The following TRIM28 variants were observed in gnomAD, a reference collection of about 807,000 sequenced individuals.
TRIM28 encodes the protein tripartite motif containing 28.
TRIM28 carries 8 observed loss-of-function variants against 87.4 expected under a neutral mutation model. That is an observed-to-expected ratio of 0.09 (90% CI 0.05 to 0.17). The LOEUF (loss-of-function observed/expected upper bound fraction) is 0.17. Ranked by LOEUF, TRIM28 falls within the 10% of genes least tolerant of loss-of-function variation. The probability of loss-of-function intolerance (pLI) is 1.00; values close to 1 mark genes in which losing one functional copy is unlikely to be tolerated. For synonymous variants in TRIM28, 601 were observed against 454.3 expected, an observed-to-expected ratio of 1.32 and a Z score of -4.11; for missense variants, 968 against 1,131.8, an observed-to-expected ratio of 0.86 and a Z score of 2.08.
At position 58,544,719 on chromosome 19, in the gene TRIM28, G is replaced by T. The variant is rs1198099127; in HGVS notation, c.-39G>T. The T allele has an allele frequency of 3.1e-6, 3 of 954,158 alleles. No homozygotes were observed. The highest frequency in any genetic ancestry group is 3.8e-6 in the Non-Finnish European group (3 of 793,490). The allele number at this position is 954,158 out of a possible 1,614,324, so 59.1% of individuals were successfully genotyped here. A position where few individuals can be genotyped will look rare whatever the true frequency, so the allele number is the denominator to read the frequency against. Reference sequence around the variant, plus strand: ...TCTGCGCCTGCGCGGCGGGCCCCGCGCCCCTCCTCCCCCCCTGGGCGCCCC... The same window carrying T: ...TCTGCGCCTGCGCGGCGGGCCCCGCTCCCCTCCTCCCCCCCTGGGCGCCCC... On this transcript the variant is annotated 5_prime_UTR_variant, in exon 1 of 17. Coordinates refer to ENST00000253024, the MANE Select transcript of TRIM28 (RefSeq NM_005762.3).
At chr19:58,547,330 G>A in intron 3 of TRIM28, 46 bp from the exon 4 acceptor site, 1 of 1,599,866 alleles carries the variant, frequency 6.3e-7, no homozygotes, top group South Asian at 1.1e-5. Context: ...TCCTGAGTTG[G>A]GGGTGGTGAA....
In TRIM28 at chr19:58,550,488, A is replaced by G; in HGVS notation, c.2443A>G (p.Met815Val). ...TGCTGTGCTGGTGGAGCCCCCGCCG[A>G]TGAGCCTGCCTGGTGCTGGCCTGAG... The part of the protein sequence containing the change: ...FSAVLVEPPP[M>V]SLPGAGLSSQ... Residue 815 changes from methionine (M) to valine (V), a missense_variant, in exon 17 of 17, where the codon ATG becomes GTG. Coordinates refer to ENST00000253024, the MANE Select transcript of TRIM28 (RefSeq NM_005762.3). The G allele has an allele frequency of 6.2e-7, 1 of 1,613,026 alleles. No individual in the cohort carries two copies. Among genetic ancestry groups the G allele is most frequent in the African/African-American group, 1.3e-5 (1 of 74,978 alleles).
At position 58,547,284 on chromosome 19, in the gene TRIM28, G is replaced by C; in HGVS notation, c.587-92G>C. 2.6e-6 allele frequency: 4 copies of C among 1,529,406 alleles called. No individual in the cohort carries two copies. The East Asian group carries it at 7.0e-5, about 27-fold the overall frequency. 94.7% of individuals were successfully genotyped at this position (1,529,406 alleles called of 1,614,324 possible). A position where few individuals can be genotyped will look rare whatever the true frequency, so the allele number is the denominator to read the frequency against. On this transcript the variant is annotated intron_variant, in intron 3 of 16. Transcript: ENST00000253024. ...TCCCAATAAATGGCCCAGTGTCACA[G>C]AACAGGCCGGAAATGAGGCCCCAAC...
At chr19:58,545,336 TGGTC>T in intron 1 of TRIM28, 85 bp from the exon 2 acceptor site, 1 of 1,111,044 alleles carries the variant, frequency 9.0e-7, no homozygotes, top group Non-Finnish European at 1.3e-6. Flanking sequence ...TGCGGGATAA[TGGTC>T]GGGGGCCCAC....
rs1177628234 is a variant in TRIM28, at chr19:58,544,918, G to A, written c.161G>A (p.Gly54Asp). The A allele has an allele frequency of 2.1e-6, 3 of 1,405,192 alleles. No homozygotes were observed. Among genetic ancestry groups the A allele is most frequent in the African/African-American group, 3.0e-5 (2 of 65,710 alleles). The allele number at this position is 1,405,192 out of a possible 1,614,324, so 87.0% of individuals were successfully genotyped here. Reference protein sequence around the residue: ...ASAAASSPAGGGAEALELLEH... With the variant: ...ASAAASSPAGDGAEALELLEH... ...GCCGCGGCGTCGTCGCCCGCGGGGG[G>A]CGGCGCCGAGGCGCTGGAGCTGCTG... Residue 54 changes from glycine to aspartate, a missense_variant, in exon 1 of 17, where the codon GGC becomes GAC. By Grantham distance (94) the Gly-to-Asp change is moderately conservative. Around this residue, in one of 11 missense-constraint regions of TRIM28, gnomAD observed 208 missense variants for 170.9 expected, o/e 1.22. Transcript: ENST00000253024.
In TRIM28 at chr19:58,545,465, A is replaced by G; in HGVS notation, c.381A>G (p.Lys127=). 1 of 1,612,788 alleles carries G rather than the reference A, an allele frequency of 6.2e-7. No homozygotes were observed. Among genetic ancestry groups the G allele is most frequent in the Non-Finnish European group, 8.5e-7 (1 of 1,179,788 alleles). The change falls in exon 2 of 17, where the codon AAA becomes AAG. Residue 127 remains lysine (K), a synonymous_variant. Coordinates refer to ENST00000253024, the MANE Select transcript of TRIM28 (RefSeq NM_005762.3). The part of the protein sequence containing the change: ...CPVCKQQCFS[K]DIVENYFMRD... ...TGTGCAAGCAACAGTGCTTCTCCAA[A>G]GACATCGTGGAGAATTATTTCATGC...
At chr19:58,547,940 C>T (rs771685104) in intron 6 of TRIM28, 34 bp downstream of exon 6, 2 of 1,613,456 alleles carry the variant, frequency 1.2e-6, no homozygotes, top group South Asian at 1.1e-5. Context: ...GGTCCCTGAG[C>T]CCCCTCTGCT....
Position 58,550,620 on chromosome 19 carries a change from C to A in TRIM28, c.*67C>A. ...TGTCCTGTCACCCCATCCCCACTCC[C>A]CTGGTGGCCTGACTCCCACTCCCTG... On this transcript the variant is annotated 3_prime_UTR_variant, in exon 17 of 17. Transcript: ENST00000253024. 1 of 1,500,368 alleles carries A rather than the reference C, an allele frequency of 6.7e-7. No homozygotes were observed. The highest frequency in any genetic ancestry group is 9.0e-7 in the Non-Finnish European group (1 of 1,115,094). The allele number at this position is 1,500,368 out of a possible 1,614,324, so 92.9% of individuals were successfully genotyped here.
chr19:58,548,675 G>A, intron 9 of TRIM28, 65 bp from the exon 10 acceptor site: 1 of 1,606,226 alleles, frequency 6.2e-7, no homozygotes, highest in Non-Finnish European at 8.5e-7. Context: ...AGGGGGGGTG[G>A]GCAGGGAATG....
At position 58,547,834 on chromosome 19, in the gene TRIM28, T is replaced by C; in HGVS notation, c.882T>C (p.Asp294=). 1 of 1,614,142 alleles carries C rather than the reference T, an allele frequency of 6.2e-7. No individual in the cohort carries two copies. The highest frequency in any genetic ancestry group is 8.5e-7 in the Non-Finnish European group (1 of 1,180,026). ...ACGTACAGAAGCGTGTGCAAGTGGA[T>C]GTCAAGATGGCCATCCTGCAGATCA... ...VSDVQKRVQV[D]VKMAILQIMK... Residue 294 remains aspartate (D), a synonymous_variant, in exon 6 of 17, where the codon GAT becomes GAC. Transcript: ENST00000253024.
chr19:58,549,764 T>C lies in TRIM28; in HGVS notation c.2010T>C (p.His670=). ...PGEEWSCSLC[H]VLPDLKEEDG... The stretch of plus-strand genomic sequence containing the variant: ...AGGAGTGGAGCTGCTCACTCTGCCA[T>C]GTGCTCCCTGACCTGAAGGAGGAGG... The change falls in exon 14 of 17, where the codon CAT becomes CAC. Residue 670 remains histidine (H), a synonymous_variant. Coordinates refer to ENST00000253024, the MANE Select transcript of TRIM28 (RefSeq NM_005762.3). This position sits in a 1 kb window ranked among gnomAD's most constrained non-coding sequence, Gnocchi z 4.4. 6.2e-7 allele frequency: 1 copy of C among 1,611,520 alleles called. No individual in the cohort carries two copies. Among genetic ancestry groups the C allele is most frequent in the Non-Finnish European group, 8.5e-7 (1 of 1,178,120 alleles).
chr19:58,550,239 C>T lies in TRIM28; in HGVS notation c.2286C>T (p.Ala762=). Residue 762 remains alanine, a synonymous_variant, in exon 16 of 17, where the codon GCC becomes GCT. Coordinates refer to ENST00000253024, the MANE Select transcript of TRIM28 (RefSeq NM_005762.3). ...SPPYSSPQEF[A]QDVGRMFKQF... ...CCTACAGCTCCCCACAGGAGTTTGC[C>T]CAGGATGTGGGCCGCATGTTCAAGC... 6.2e-6 allele frequency: 10 copies of T among 1,614,092 alleles called. No individual in the cohort carries two copies. The highest frequency in any genetic ancestry group is 8.5e-6 in the Non-Finnish European group (10 of 1,180,022).
At position 58,544,786 on chromosome 19, in the gene TRIM28, C is replaced by G; in HGVS notation, c.29C>G (p.Ala10Gly). The change falls in exon 1 of 17, where the codon GCA (alanine) becomes GGA (glycine). Residue 10 changes from alanine (A) to glycine (G), a missense_variant. Physicochemically the swap from Ala to Gly is moderately conservative, Grantham distance 60. Around this residue, in one of 11 missense-constraint regions of TRIM28, gnomAD observed 208 missense variants for 170.9 expected, o/e 1.22. Transcript: ENST00000253024. MAASAAAAS[A>G]AAASAASGSP... ...GCGGCCTCCGCGGCGGCAGCCTCGGCAGCAGCGGCCTCGGCCGCCTCTGGC... is the reference window on the plus strand; with the variant it reads ...GCGGCCTCCGCGGCGGCAGCCTCGGGAGCAGCGGCCTCGGCCGCCTCTGGC... The G allele has an allele frequency of 8.5e-7, 1 of 1,182,816 alleles. No homozygotes were observed. The allele number at this position is 1,182,816 out of a possible 1,614,324, so 73.3% of individuals were successfully genotyped here.
chr19:58,545,569 T>G (rs1167852212), intron 2 of TRIM28, 32 bp downstream of exon 2: 12 of 1,568,326 alleles, frequency 7.7e-6, no homozygotes, highest in Non-Finnish European at 9.6e-6. Context: ...ACAAGGAGGT[T>G]TCTGGGGAGG....
chr19:58,548,660 CAGGCAGGGGGGGT>C, intron 9 of TRIM28, 67 bp from the exon 10 acceptor site: 2 of 1,572,338 alleles, frequency 1.3e-6, no homozygotes, highest in Non-Finnish European at 8.6e-7. Flanking sequence ...AGAGAGGACC[CAGGCAGGGGGGGT>C]GGGCAGGGAA....
In TRIM28 at chr19:58,545,114, C is replaced by G. The variant is rs975855929; in HGVS notation, c.340+17C>G. On this transcript the variant is annotated intron_variant, in intron 1 of 16. Transcript: ENST00000253024. ...ACGGCACCGGTAAGTACGAAGTGAT[C>G]GGTGCCACCCCTCCCCCTACTCTCT... is the stretch of plus-strand genomic sequence containing the variant. 1.1e-5 allele frequency: 15 copies of G among 1,392,336 alleles called. No individual in the cohort carries two copies. The highest frequency in any genetic ancestry group is 3.0e-5 in the African/African-American group (2 of 66,466). The allele number at this position is 1,392,336 out of a possible 1,614,324, so 86.2% of individuals were successfully genotyped here.
chr19:58,545,000 G>C lies in TRIM28; in HGVS notation c.243G>C (p.Leu81=), dbSNP rs775332804. The change falls in exon 1 of 17, where the codon CTG becomes CTC. Residue 81 remains leucine (L), a synonymous_variant. Coordinates refer to ENST00000253024, the MANE Select transcript of TRIM28 (RefSeq NM_005762.3). ...RLRPEREPRL[L]PCLHSACSAC... is the part of the protein sequence containing the mutation. Reference sequence around the variant, plus strand: ...GACCCGAGAGGGAGCCCCGCCTGCTGCCCTGTTTGCACTCGGCCTGTAGTG... The same window carrying C: ...GACCCGAGAGGGAGCCCCGCCTGCTCCCCTGTTTGCACTCGGCCTGTAGTG... 5 of 1,514,688 alleles carry C rather than the reference G, an allele frequency of 3.3e-6. No individual in the cohort carries two copies. The South Asian group carries it at 4.9e-5, about 15-fold the overall frequency. 93.8% of individuals were successfully genotyped at this position (1,514,688 alleles called of 1,614,324 possible). A position where few individuals can be genotyped will look rare whatever the true frequency, so the allele number is the denominator to read the frequency against.
rs374323621 is a variant in TRIM28, at chr19:58,548,427, C to T, written c.1216+19C>T. 483 of 1,614,058 alleles carry T rather than the reference C, an allele frequency of 3.0e-4. 1 individual carries two copies. Among genetic ancestry groups the T allele is most frequent in the South Asian group, 1.3e-4 (12 of 91,076 alleles). The stretch of plus-strand genomic sequence containing the variant: ...GCCTTTGGTGGGTCCCCAGCTTTAC[C>T]TCACTCTGTTATTACCCCACGTGCT... On this transcript the variant is annotated intron_variant, in intron 8 of 16. Coordinates refer to ENST00000253024, the MANE Select transcript of TRIM28 (RefSeq NM_005762.3).
chr19:58,549,013 A>C lies in TRIM28; in HGVS notation c.1435A>C (p.Ser479Arg), dbSNP rs770140900. Residue 479 changes from serine to arginine, a missense_variant, in exon 12 of 17, where the codon AGC (serine) becomes CGC (arginine). Physicochemically the swap from Ser to Arg is moderately radical, Grantham distance 110. Coordinates refer to ENST00000253024, the MANE Select transcript of TRIM28 (RefSeq NM_005762.3). This position sits in a 1 kb window ranked among gnomAD's most constrained non-coding sequence, Gnocchi z 4.4. ...GTCCCGCTCAGGTGAGGGCGAGGTG[A>C]GCGGCCTTATGCGCAAGGTGCCACG... ...KRSRSGEGEV[S>R]GLMRKVPRVS... The C allele has an allele frequency of 8.7e-6, 14 of 1,614,062 alleles. No homozygotes were observed. Among genetic ancestry groups the C allele is most frequent in the Non-Finnish European group, 1.1e-5 (13 of 1,179,988 alleles).
Sources: allele counts gnomAD v4.1 joint callset, GRCh38; gene constraint gnomAD v4.1.1; regional missense constraint gnomAD v4.1.1; non-coding constraint Gnocchi (gnomAD v3.1); transcripts MANE v1.5; gene names NCBI Gene and HGNC (gene_info 2026-07-23, HGNC 2026-07-21).